Variants in ADAM12 observed in about 807,000 individuals in gnomAD.
ADAM12 encodes ADAM metallopeptidase domain 12.
ADAM12 carries 70 observed loss-of-function variants against 106.4 expected under a neutral mutation model. The ratio of observed to expected loss-of-function variants is 0.66; its 90% CI spans 0.54 to 0.80. The LOEUF is 0.80. ADAM12 is among the 30% of genes least tolerant of loss of function. ADAM12 has a pLI of 0.00. For synonymous variants in ADAM12, 420 were observed against 433.5 expected (o/e 0.97, Z 0.39); for missense variants, 1,010 against 1,171.9 (o/e 0.86, Z 2.02).
At chr10:126,047,365 G>A (rs1156869235) in intron 16 of ADAM12, among the ~76,000 whole-genome samples, 1 of 152,106 alleles carries the variant, frequency 6.6e-6, no homozygotes, top group Non-Finnish European at 1.5e-5. Context: ...GCGAATCCTG[G>A]CCAAGGGGAT....
At chr10:126,335,746 G>C (rs1029154037) in intron 1 of ADAM12, among the ~76,000 whole-genome samples, 3 of 152,116 alleles carry the variant, frequency 2.0e-5, no homozygotes, top group African/African-American at 7.2e-5. Flanking sequence ...CTTTATAATA[G>C]AGAAACCTGA....
At chr10:126,340,556 A>G (rs969186583) in intron 1 of ADAM12, among the ~76,000 whole-genome samples, 1 of 152,196 alleles carries the variant, frequency 6.6e-6, no homozygotes, top group East Asian at 1.9e-4. Context: ...TGTGATAAAT[A>G]AACACTCATG....
intron 1 of ADAM12, among the ~76,000 whole-genome samples, chr10:126,338,416 C>CGGGCG (rs1854793196): frequency 6.6e-6 from 1 of 151,448 alleles, no homozygotes; most frequent in Admixed American, 6.6e-5. Flanking sequence ...CTACGCCCGG[C>CGGGCG]TAATTTTTTG....
rs117156747 is a variant in ADAM12, at chr10:126,372,912, C to T, written c.88+15146G>A. ...ATGTGAGAAAAAAGTTTCAAGAGTACCATCTATTGCAGCTGAATAAATTAT... is the reference window on the plus strand; with the variant it reads ...ATGTGAGAAAAAAGTTTCAAGAGTATCATCTATTGCAGCTGAATAAATTAT... On this transcript the variant is annotated intron_variant, in intron 1 of 22. Coordinates refer to ENST00000448723, the MANE Select transcript of ADAM12 (RefSeq NM_001288973.2). Among the ~76,000 whole-genome samples, 1,478 of 152,278 alleles carry T rather than the reference C, an allele frequency of 9.7e-3. 10 individuals carry two copies. The highest frequency in any genetic ancestry group is 0.016 in the Non-Finnish European group (1,078 of 68,026).
chr10:126,240,587 T>A (rs1458689902), intron 3 of ADAM12, among the ~76,000 whole-genome samples: 1 of 152,168 alleles, frequency 6.6e-6, no homozygotes, highest in Non-Finnish European at 1.5e-5. Flanking sequence ...GTGCTCTGAG[T>A]ATCTGGGCTG....
Position 126,154,762 on chromosome 10 carries a change from T to A in ADAM12, c.339+465A>T, listed in dbSNP as rs540516118. 3.9e-5 allele frequency among the ~76,000 whole-genome samples: 6 copies of A among 152,302 alleles called. 1 individual carries two copies. Among genetic ancestry groups the A allele is most frequent in the African/African-American group, 1.4e-4 (6 of 41,574 alleles). On this transcript the variant is annotated intron_variant, in intron 4 of 22. Transcript: ENST00000448723. ...AACACTGCCTGAGAGGGGATAAATG[T>A]CATGTTACAGTAACACCCACGATAT...
At chr10:126,333,909 G>A (rs1475594841) in intron 1 of ADAM12, among the ~76,000 whole-genome samples, 1 of 152,188 alleles carries the variant, frequency 6.6e-6, no homozygotes, top group African/African-American at 2.4e-5. Flanking sequence ...ACCTTTTTGA[G>A]AAATTGAGTG....
chr10:126,113,689 T>A (rs1024693868), intron 6 of ADAM12, among the ~76,000 whole-genome samples: 768 of 10,018 alleles, frequency 0.077, 28 homozygotes, highest in Middle Eastern at 0.12. Flanking sequence ...AAAAAAAAAA[T>A]ATATATATAT....
At chr10:126,031,486 A>AAATTAATTGGCTTT (rs1285035995) in intron 21 of ADAM12, among the ~76,000 whole-genome samples, 2 of 152,212 alleles carry the variant, frequency 1.3e-5, no homozygotes, top group Non-Finnish European at 2.9e-5. Flanking sequence ...ATCGTGGCTT[A>AAATTAATTGGCTTT]AATTAATTGG....
At chr10:126,034,281 T>A (rs12264447) in intron 21 of ADAM12, among the ~76,000 whole-genome samples, 5,789 of 152,220 alleles carry the variant, frequency 0.038, 382 homozygotes, top group African/African-American at 0.13. Flanking sequence ...TTACACATGT[T>A]ACTTCCATCT....
At position 126,109,702 on chromosome 10, in the gene ADAM12, A is replaced by G. The variant is rs538423840; in HGVS notation, c.669+73T>C. On this transcript the variant is annotated intron_variant, in intron 7 of 22. Transcript: ENST00000448723. ...GAAATGAGGTTCATTAAAGCAAGTA[A>G]TAACTTGCAAAACATGTCCTTTTTT... The G allele has an allele frequency of 6.5e-6, 9 of 1,390,294 alleles. No homozygotes were observed. In the South Asian group the frequency reaches 1.1e-4, roughly 17 times the overall value. 86.1% of individuals were successfully genotyped at this position (1,390,294 alleles called of 1,614,324 possible). A position where few individuals can be genotyped will look rare whatever the true frequency, so the allele number is the denominator to read the frequency against.
chr10:126,231,306 G>T (rs1226445314), intron 3 of ADAM12, among the ~76,000 whole-genome samples: 5 of 151,490 alleles, frequency 3.3e-5, no homozygotes, highest in African/African-American at 1.2e-4. Flanking sequence ...TCTTTTTCCA[G>T]GGTTTTTATA....
intron 3 of ADAM12, among the ~76,000 whole-genome samples, chr10:126,197,489 G>C (rs61660918): frequency 1.3e-5 from 2 of 152,190 alleles, no homozygotes; most frequent in African/African-American, 4.8e-5. Context: ...GAGGACAGTC[G>C]TGTGCTTCCC....
At chr10:126,370,753 T>TC (rs1856082730) in intron 1 of ADAM12, among the ~76,000 whole-genome samples, 1 of 152,194 alleles carries the variant, frequency 6.6e-6, no homozygotes, top group Admixed American at 6.5e-5. Flanking sequence ...TCATAGGTCC[T>TC]CCCTTGGCAG....
rs1234104890 is a variant in ADAM12, at chr10:126,014,557, G to T, written c.*2722C>A. On this transcript the variant is annotated 3_prime_UTR_variant, in exon 23 of 23. Coordinates refer to ENST00000448723, the MANE Select transcript of ADAM12 (RefSeq NM_001288973.2). ...CGCTGTGAAATGTAACCTCCTGTGTGTATTTCCACAATGGAGAATGTTAGG... is the reference window on the plus strand; with the variant it reads ...CGCTGTGAAATGTAACCTCCTGTGTTTATTTCCACAATGGAGAATGTTAGG... The T allele has an allele frequency of 6.6e-6, 1 of 151,874 alleles. No homozygotes were observed. The highest frequency in any genetic ancestry group is 1.5e-5 in the Non-Finnish European group (1 of 68,008). 9.4% of individuals were successfully genotyped at this position (151,874 alleles called of 1,614,324 possible). A position where few individuals can be genotyped will look rare whatever the true frequency, so the allele number is the denominator to read the frequency against.
At chr10:126,190,920 C>T (rs1006624487) in intron 3 of ADAM12, among the ~76,000 whole-genome samples, 1 of 150,164 alleles carries the variant, frequency 6.7e-6, no homozygotes, top group Non-Finnish European at 1.5e-5. Flanking sequence ...GTTGACAGGC[C>T]AGGCAAATGC....
chr10:126,017,203 G>C lies in ADAM12; in HGVS notation c.*76C>G. On this transcript the variant is annotated 3_prime_UTR_variant, in exon 23 of 23. Coordinates refer to ENST00000448723, the MANE Select transcript of ADAM12 (RefSeq NM_001288973.2). ...AACATTAAAAAAAATCCTAAAAGTT[G>C]GTACAAAAAACTCCAACTGGAGCTG... is the stretch of plus-strand genomic sequence containing the variant. 1 of 1,325,028 alleles carries C rather than the reference G, an allele frequency of 7.5e-7. No individual in the cohort carries two copies. Among genetic ancestry groups the C allele is most frequent in the Non-Finnish European group, 1.0e-6 (1 of 962,706 alleles). The allele number at this position is 1,325,028 out of a possible 1,614,324, so 82.1% of individuals were successfully genotyped here.
At chr10:126,207,377 A>G (rs1957817071) in intron 3 of ADAM12, among the ~76,000 whole-genome samples, 1 of 152,252 alleles carries the variant, frequency 6.6e-6, no homozygotes, top group East Asian at 1.9e-4. Flanking sequence ...ATCTTTTCTT[A>G]TAATCTTAGC....
At chr10:126,359,942 A>G (rs1158231272) in intron 1 of ADAM12, among the ~76,000 whole-genome samples, 2 of 152,218 alleles carry the variant, frequency 1.3e-5, no homozygotes, top group Non-Finnish European at 2.9e-5. Context: ...ACATCCTCTG[A>G]AATCTAGCTG....
Sources: gnomAD v4.1 joint callset for allele counts (sites outside exome capture counted in the v4.1 genomes callset) on GRCh38, gnomAD v4.1.1 for gene constraint, MANE v1.5 for transcripts, NCBI Gene and HGNC (gene_info 2026-07-23, HGNC 2026-07-21) for gene names.